Variants in SAMSN1 observed in about 807,000 individuals in gnomAD.
The protein encoded by SAMSN1 is SAM domain-containing protein SAMSN-1.
Under a neutral mutation model 42.0 loss-of-function variants are expected in SAMSN1, and 31 were observed. The ratio of observed to expected loss-of-function variants is 0.74; its 90% CI spans 0.55 to 1.00. SAMSN1 has a LOEUF of 1.00. Among genes scored for constraint, SAMSN1 ranks in the 50% least tolerant of loss-of-function variants. The pLI, the probability that SAMSN1 is intolerant of heterozygous loss-of-function variation, is 0.00. For missense variants in SAMSN1, 464 were observed against 439.4 expected (o/e 1.06, Z -0.50); for synonymous variants, 178 against 151.9 (o/e 1.17, Z -1.26).
rs149036297 is a variant in SAMSN1 at position 14,520,238 on chromosome 21, G to C, written c.129+912C>G. ...AATGTGTATGTAGCACTCACCAATG[G>C]GATGTTTCAGTGTACATTGAAGTGT... On this transcript the variant is annotated intron_variant, in intron 2 of 7. Coordinates refer to ENST00000400566, the MANE Select transcript of SAMSN1 (RefSeq NM_022136.5). Among the ~76,000 whole-genome samples, 618 of 152,228 alleles carry C rather than the reference G, an allele frequency of 4.1e-3. 5 individuals are homozygous for C. The highest frequency in any genetic ancestry group is 0.014 in the African/African-American group (584 of 41,546).
intron 1 of SAMSN1, among the ~76,000 whole-genome samples, chr21:14,527,760 T>TAAAAAA (rs71183427): frequency 2.4e-4 from 26 of 107,700 alleles, no homozygotes; most frequent in African/African-American, 5.4e-4. Flanking sequence ...AAACTAGAAC[T>TAAAAAA]AAAAAAAAAA....
chr21:14,639,214 C>G (rs977609777), intron 2 of SAMSN1, among the ~76,000 whole-genome samples: 2 of 152,184 alleles, frequency 1.3e-5, no homozygotes, highest in Non-Finnish European at 2.9e-5. Flanking sequence ...ATTTTATGTT[C>G]TCTGTCTTAA....
intron 6 of SAMSN1, among the ~76,000 whole-genome samples, chr21:14,595,092 G>A (rs1982219548): frequency 6.6e-6 from 1 of 152,134 alleles, no homozygotes; most frequent in Non-Finnish European, 1.5e-5. Flanking sequence ...TTACTGTCAT[G>A]AGAACAGCTC....
At position 14,625,236 on chromosome 21, in the gene SAMSN1, T is replaced by C. The variant is rs138447558; in HGVS notation, c.157-9220A>G. 4.6e-3 allele frequency among the ~76,000 whole-genome samples: 702 copies of C among 152,080 alleles called. 3 individuals are homozygous for C. The highest frequency in any genetic ancestry group is 0.016 in the African/African-American group (653 of 41,484). Reference sequence around the variant, plus strand: ...CTGGCACAAGACAGGGATGCCCTCTTTCACCACTCCTATTCAACATAGCGT... The same window carrying C: ...CTGGCACAAGACAGGGATGCCCTCTCTCACCACTCCTATTCAACATAGCGT... On this transcript the variant is annotated intron_variant, in intron 2 of 15. Coordinates refer to the SAMSN1 transcript ENST00000647101.
chr21:14,573,874 C>T (rs576239321), intron 2 of SAMSN1, among the ~76,000 whole-genome samples: 1 of 152,274 alleles, frequency 6.6e-6, no homozygotes, highest in Non-Finnish European at 1.5e-5. Flanking sequence ...GAGCAGTATT[C>T]CCTTAAGGGT....
At chr21:14,656,719 T>C (rs1983922301) in intron 1 of SAMSN1, among the ~76,000 whole-genome samples, 1 of 151,854 alleles carries the variant, frequency 6.6e-6, no homozygotes. Context: ...TCAGAATGGG[T>C]AGTTCATTAA....
chr21:14,541,767 TA>T (rs1266689322), intron 1 of SAMSN1, among the ~76,000 whole-genome samples: 5 of 152,158 alleles, frequency 3.3e-5, no homozygotes, highest in Admixed American at 3.3e-4. Context: ...GGTCATTTTT[TA>T]AAATATTTGA....
chr21:14,497,787 A>G (rs1194566121), intron 7 of SAMSN1, among the ~76,000 whole-genome samples: 1 of 152,156 alleles, frequency 6.6e-6, no homozygotes. Context: ...ATTTGGCAGG[A>G]AAGGCAGTCT....
chr21:14,557,527 C>A (rs1192552343), intron 2 of SAMSN1, among the ~76,000 whole-genome samples: 1 of 152,180 alleles, frequency 6.6e-6, no homozygotes, highest in African/African-American at 2.4e-5. Flanking sequence ...GTACACACAT[C>A]ATTGCTCTTT....
intron 7 of SAMSN1, among the ~76,000 whole-genome samples, chr21:14,496,869 A>T (rs934371016): frequency 3.3e-5 from 5 of 152,254 alleles, no homozygotes; most frequent in South Asian, 2.1e-4. Flanking sequence ...AGAATAAAGT[A>T]AAAACCAGTT....
intron 4 of SAMSN1, among the ~76,000 whole-genome samples, chr21:14,610,937 C>A (rs1232876307): frequency 6.6e-6 from 1 of 152,174 alleles, no homozygotes; most frequent in Admixed American, 6.5e-5. Context: ...ATTATTATTA[C>A]TTTTCTGAGA....
chr21:14,615,774 G>A (rs1982818415), intron 3 of SAMSN1, among the ~76,000 whole-genome samples: 1 of 146,352 alleles, frequency 6.8e-6, no homozygotes, highest in African/African-American at 2.5e-5. Flanking sequence ...CTGTCTACTG[G>A]AATGTCACAA....
chr21:14,492,455 A>T lies in SAMSN1; in HGVS notation c.919+5987T>A, dbSNP rs190273496. Among the ~76,000 whole-genome samples, 296 of 152,302 alleles carry T rather than the reference A, an allele frequency of 1.9e-3. 4 individuals carry two copies. The highest frequency in any genetic ancestry group is 5.2e-3 in the African/African-American group (216 of 41,564). On this transcript the variant is annotated intron_variant, in intron 7 of 7. Transcript: ENST00000400566. Reference sequence around the variant, plus strand: ...ATCATTTACTCATTTTATGTTAACCATCCACTAATGCAAAGCACAGGACTA... The same window carrying T: ...ATCATTTACTCATTTTATGTTAACCTTCCACTAATGCAAAGCACAGGACTA...
chr21:14,619,713 C>A, intron 2 of SAMSN1: 1 of 284,744 alleles, frequency 3.5e-6, no homozygotes, highest in Non-Finnish European at 7.7e-6. Context: ...AAATAATACA[C>A]ACTTATTTAT....
intron 2 of SAMSN1, among the ~76,000 whole-genome samples, chr21:14,520,085 T>C (rs1365135041): frequency 6.6e-6 from 1 of 152,242 alleles, no homozygotes; most frequent in Non-Finnish European, 1.5e-5. Context: ...TATAGATAGA[T>C]AAAGTTAGCA....
At chr21:14,649,666 A>G (rs748525508) in intron 1 of SAMSN1, among the ~76,000 whole-genome samples, 2 of 151,926 alleles carry the variant, frequency 1.3e-5, no homozygotes, top group Non-Finnish European at 2.9e-5. Context: ...GCTACTCAGG[A>G]GGCTGAGGTA....
Position 14,626,174 on chromosome 21 carries a change from C to G in SAMSN1, c.157-10158G>C, listed in dbSNP as rs532180397. Among the ~76,000 whole-genome samples the G allele has an allele frequency of 8.2e-4, 125 of 152,310 alleles. 2 individuals are homozygous for G. The South Asian group carries it at 0.011, about 13-fold the overall frequency. On this transcript the variant is annotated intron_variant, in intron 2 of 15. Transcript: ENST00000647101. ...CATGTCAGACCTAAAACCATAAAAA[C>G]CCTAGAAGAAAACCTAGGCATTACC...
At chr21:14,646,178 C>T (rs749467377) in intron 1 of SAMSN1, among the ~76,000 whole-genome samples, 35 of 151,954 alleles carry the variant, frequency 2.3e-4, no homozygotes, top group Non-Finnish European at 2.4e-4. Flanking sequence ...TATAGAACAC[C>T]AAGCAGATTT....
intron 7 of SAMSN1, chr21:14,496,110 C>A (rs919163847): frequency 4.6e-5 from 7 of 152,204 alleles, no homozygotes; most frequent in African/African-American, 1.7e-4. Flanking sequence ...GTTCCCAGCC[C>A]CTTCTCTCCA....
Sources: allele counts gnomAD v4.1 joint callset (sites outside exome capture counted in the v4.1 genomes callset), GRCh38; gene constraint gnomAD v4.1.1; transcripts MANE v1.5; gene names NCBI Gene and HGNC (gene_info 2026-07-23, HGNC 2026-07-21).